Variants in KDM5B observed in about 807,000 individuals in gnomAD.
KDM5B encodes lysine-specific demethylase 5B.
KDM5B carries 144 observed loss-of-function variants against 193.4 expected under a neutral mutation model. The ratio of observed to expected loss-of-function variants is 0.74; its 90% confidence interval spans 0.65 to 0.86. KDM5B has a LOEUF of 0.86. Ranked by LOEUF, KDM5B falls within the 40% of genes least tolerant of loss-of-function variation. The pLI is 0.00. For synonymous variants in KDM5B, 668 were observed against 682.6 expected (o/e 0.98, Z 0.33); for missense variants, 1,833 against 1,886.9 (o/e 0.97, Z 0.53).
chr1:202,760,209 G>T (rs1020691458), intron 8 of KDM5B, among the ~76,000 whole-genome samples: 30 of 21,620 alleles, frequency 1.4e-3, no homozygotes, highest in Admixed American at 9.2e-3. Flanking sequence ...AGCTACGTGG[G>T]GGGGGCTGAG....
Position 202,742,822 on chromosome 1 carries a change from A to G in KDM5B, c.2324-17T>C. On this transcript the variant is annotated splice_polypyrimidine_tract_variant and intron_variant, in intron 16 of 26. Transcript: ENST00000367265. ...TGACAAGGCCTAGGAATGAAGAAAA[A>G]AGTCATATTTTCTGTAATCATTATG... The G allele has an allele frequency of 6.2e-7, 1 of 1,607,726 alleles. No homozygotes were observed. Among genetic ancestry groups the G allele is most frequent in the South Asian group, 1.1e-5 (1 of 90,314 alleles).
intron 4 of KDM5B, among the ~76,000 whole-genome samples, chr1:202,772,754 T>C (rs1330667039): frequency 2.6e-5 from 4 of 151,894 alleles, no homozygotes; most frequent in Non-Finnish European, 4.4e-5. Flanking sequence ...TTGAGTGAAG[T>C]GGCACCATCT....
intron 4 of KDM5B, among the ~76,000 whole-genome samples, chr1:202,772,168 A>C (rs1656747640): frequency 6.6e-6 from 1 of 152,224 alleles, no homozygotes; most frequent in Non-Finnish European, 1.5e-5. Context: ...CAATTCTTAA[A>C]GTTATAGGAC....
chr1:202,796,888 G>A (rs1378983269), intron 1 of KDM5B: 3 of 152,590 alleles, frequency 2.0e-5, no homozygotes, highest in Non-Finnish European at 4.4e-5. Flanking sequence ...CACTCGGAGT[G>A]ATGGAAGCCG....
chr1:202,731,633 G>A (rs1654886566), intron 24 of KDM5B, among the ~76,000 whole-genome samples, 195 bp downstream of exon 24: 1 of 152,280 alleles, frequency 6.6e-6, no homozygotes, highest in South Asian at 2.1e-4. Flanking sequence ...TGGATATAAA[G>A]TCTTCCTCTC....
chr1:202,767,496 T>C (rs939873772), intron 4 of KDM5B: 9 of 791,874 alleles, frequency 1.1e-5, no homozygotes, highest in Non-Finnish European at 1.5e-5. Context: ...AAGACCTTTT[T>C]TTCACGACCT....
At position 202,724,571 on chromosome 1, in the gene KDM5B, T is replaced by C. The variant is rs1196679104; in HGVS notation, c.*4465A>G. On this transcript the variant is annotated 3_prime_UTR_variant, in exon 27 of 27. Coordinates refer to ENST00000367265, the MANE Select transcript of KDM5B (RefSeq NM_006618.5). ...ATCATAGATAATGCATTATGGCTATTATGAATGAAGGCCCTCATCCCCAAA... is the reference window on the plus strand; with the variant it reads ...ATCATAGATAATGCATTATGGCTATCATGAATGAAGGCCCTCATCCCCAAA... 1.3e-5 allele frequency: 2 copies of C among 152,278 alleles called. No individual in the cohort carries two copies. Among genetic ancestry groups the C allele is most frequent in the African/African-American group, 4.8e-5 (2 of 41,476 alleles). The allele number at this position is 152,278 out of a possible 1,614,324, so 9.4% of individuals were successfully genotyped here. A position where few individuals can be genotyped will look rare whatever the true frequency, so the allele number is the denominator to read the frequency against.
chr1:202,764,373 ACACCTGTAATCG>A (rs1241506364), intron 5 of KDM5B, among the ~76,000 whole-genome samples: 1 of 152,234 alleles, frequency 6.6e-6, no homozygotes, highest in African/African-American at 2.4e-5. Flanking sequence ...ACAGTGGTTC[ACACCTGTAATCG>A]CAGCACTTTG....
chr1:202,788,834 A>T (rs1178022518), intron 1 of KDM5B, among the ~76,000 whole-genome samples: 2 of 152,182 alleles, frequency 1.3e-5, no homozygotes, highest in Non-Finnish European at 2.9e-5. Context: ...TGTTTTTTCC[A>T]TACCTAGAAT....
intron 1 of KDM5B, among the ~76,000 whole-genome samples, chr1:202,795,262 G>GTCTC (rs35202402): frequency 0.7 from 105,997 of 151,508 alleles, 39,148 homozygotes; most frequent in Non-Finnish European, 0.83. Context: ...CATGAATGTA[G>GTCTC]TCTTTCTCTC....
chr1:202,797,218 C>T (rs1415754076), intron 1 of KDM5B: 1 of 152,208 alleles, frequency 6.6e-6, no homozygotes, highest in Non-Finnish European at 1.5e-5. Context: ...TGTGCAACAG[C>T]CCCAGGGGTC....
chr1:202,793,388 G>A (rs1410743211), intron 1 of KDM5B, among the ~76,000 whole-genome samples: 1 of 152,188 alleles, frequency 6.6e-6, no homozygotes, highest in Non-Finnish European at 1.5e-5. Context: ...AGGCAATGCA[G>A]TAGTTCAGAG....
Position 202,742,814 on chromosome 1 carries a change from G to A in KDM5B, c.2324-9C>T, listed in dbSNP as rs1204602025. On this transcript the variant is annotated splice_polypyrimidine_tract_variant and intron_variant, in intron 16 of 26. Coordinates refer to ENST00000367265, the MANE Select transcript of KDM5B (RefSeq NM_006618.5). The stretch of plus-strand genomic sequence containing the variant: ...CTTGAAGCTGACAAGGCCTAGGAAT[G>A]AAGAAAAAAGTCATATTTTCTGTAA... 4.4e-6 allele frequency: 7 copies of A among 1,605,116 alleles called. No individual in the cohort carries two copies. Among genetic ancestry groups the A allele is most frequent in the Admixed American group, 1.7e-5 (1 of 57,734 alleles).
At chr1:202,782,358 AT>A (rs913225438) in intron 1 of KDM5B, among the ~76,000 whole-genome samples, 3 of 151,716 alleles carry the variant, frequency 2.0e-5, no homozygotes, top group African/African-American at 2.4e-5. Context: ...TGGGACACGA[AT>A]TTTTTTTTCT....
At chr1:202,748,197 A>G (rs1572721712) in intron 14 of KDM5B, among the ~76,000 whole-genome samples, 1 of 152,240 alleles carries the variant, frequency 6.6e-6, no homozygotes, top group East Asian at 1.9e-4. Flanking sequence ...AGAACTAGAT[A>G]TCCACATGCA....
At chr1:202,755,482 G>T in intron 10 of KDM5B, 30 bp from the exon 11 acceptor site, 10 of 1,545,822 alleles carry the variant, frequency 6.5e-6, no homozygotes, top group Non-Finnish European at 8.0e-6. Flanking sequence ...AGAGGATAAA[G>T]GTTTAGCTAT....
At chr1:202,748,831 G>A (rs1655672628) in intron 14 of KDM5B, 114 bp downstream of exon 14, 1 of 800,892 alleles carries the variant, frequency 1.2e-6, no homozygotes, top group Admixed American at 2.6e-5. Flanking sequence ...CTATTACAAT[G>A]GCCTCAAAGA....
intron 1 of KDM5B, among the ~76,000 whole-genome samples, chr1:202,780,569 C>A (rs1292941055): frequency 1.3e-5 from 2 of 152,122 alleles, no homozygotes; most frequent in African/African-American, 4.8e-5. Flanking sequence ...AAAGGAAATT[C>A]ACTGCAAAAT....
chr1:202,750,552 G>T, intron 13 of KDM5B, 107 bp downstream of exon 13: 1 of 1,217,016 alleles, frequency 8.2e-7, no homozygotes, highest in Non-Finnish European at 1.2e-6. Context: ...TGGGATTATA[G>T]GCATGAGCTA....
Sources: allele counts gnomAD v4.1 joint callset (sites outside exome capture counted in the v4.1 genomes callset), GRCh38; gene constraint gnomAD v4.1.1; transcripts MANE v1.5; gene names NCBI Gene and HGNC (gene_info 2026-07-23, HGNC 2026-07-21).